GRIN2A: variants seen among roughly 807,000 people sequenced by gnomAD.
GRIN2A encodes glutamate receptor ionotropic, NMDA 2A.
In GRIN2A, 22 loss-of-function variants were observed where a neutral mutation model predicts 113.4. The ratio of observed to expected loss-of-function variants is 0.19; its 90% CI spans 0.14 to 0.28. The LOEUF is 0.28. GRIN2A is among the 10% of genes least tolerant of loss of function. The probability of loss-of-function intolerance (pLI) is 1.00; values close to 1 mark genes in which losing one functional copy is unlikely to be tolerated. For synonymous variants in GRIN2A, 827 were observed against 738.4 expected (o/e 1.12, Z -1.94); for missense variants, 1,502 against 1,887.0 (o/e 0.80, Z 3.78).
At position 9,762,528 on chromosome 16, in the gene GRIN2A, C is replaced by T. The variant is rs555175422; in HGVS notation, c.*621G>A. 11 of 226,644 alleles carry T rather than the reference C, an allele frequency of 4.9e-5. No individual in the cohort carries two copies. The highest frequency in any genetic ancestry group is 8.9e-5 in the African/African-American group (4 of 44,744). The allele number at this position is 226,644 out of a possible 1,614,324, so 14.0% of individuals were successfully genotyped here. Reference sequence around the variant, plus strand: ...TATAATGAAGGTAGCACAGTCATCACGAACACACTGATTTGCTATTCTTTA... The same window carrying T: ...TATAATGAAGGTAGCACAGTCATCATGAACACACTGATTTGCTATTCTTTA... On this transcript the variant is annotated 3_prime_UTR_variant, in exon 13 of 13. Coordinates refer to ENST00000330684, the MANE Select transcript of GRIN2A (RefSeq NM_001134407.3).
chr16:10,062,031 C>T (rs1324490507), intron 2 of GRIN2A, among the ~76,000 whole-genome samples: 1 of 152,112 alleles, frequency 6.6e-6, no homozygotes, highest in African/African-American at 2.4e-5. Flanking sequence ...ATAGGGGAGG[C>T]AACTGAGGAT....
chr16:10,134,238 A>C (rs1720838335), intron 2 of GRIN2A, among the ~76,000 whole-genome samples: 1 of 149,036 alleles, frequency 6.7e-6, no homozygotes, highest in South Asian at 2.1e-4. Flanking sequence ...AGATTCAGTT[A>C]GGCAAACATT....
At chr16:9,773,449 G>A (rs1451925634) in intron 11 of GRIN2A, among the ~76,000 whole-genome samples, 1 of 152,176 alleles carries the variant, frequency 6.6e-6, no homozygotes, top group Non-Finnish European at 1.5e-5. Flanking sequence ...CGTGATCTTT[G>A]TCAGTGTGAT....
At chr16:10,072,184 G>T (rs1225994929) in intron 2 of GRIN2A, among the ~76,000 whole-genome samples, 1 of 152,210 alleles carries the variant, frequency 6.6e-6, no homozygotes, top group South Asian at 2.1e-4. Flanking sequence ...GATGCCCTTT[G>T]TGGTTAAGCA....
intron 4 of GRIN2A, among the ~76,000 whole-genome samples, chr16:9,883,582 A>G (rs188895725): frequency 6.6e-6 from 1 of 152,324 alleles, no homozygotes; most frequent in African/African-American, 2.4e-5. Flanking sequence ...TGACAGCTGA[A>G]TACTAGGGCT....
chr16:10,118,323 G>T (rs2048767884), intron 2 of GRIN2A, among the ~76,000 whole-genome samples: 1 of 152,014 alleles, frequency 6.6e-6, no homozygotes, highest in Non-Finnish European at 1.5e-5. Flanking sequence ...TTATATCTCT[G>T]GCTAATAAAG....
chr16:9,860,006 A>G (rs1294111789), intron 4 of GRIN2A, among the ~76,000 whole-genome samples: 1 of 151,552 alleles, frequency 6.6e-6, no homozygotes, highest in Non-Finnish European at 1.5e-5. Context: ...CTATCCCTAG[A>G]GTTTCCAGTC....
chr16:10,000,175 A>G (rs1272046851), intron 2 of GRIN2A, among the ~76,000 whole-genome samples: 2 of 152,162 alleles, frequency 1.3e-5, no homozygotes, highest in African/African-American at 4.8e-5. Flanking sequence ...TCCCCATTTC[A>G]AGAGCCTTAA....
chr16:9,829,381 A>T, intron 9 of GRIN2A, 42 bp downstream of exon 9: 3 of 1,328,860 alleles, frequency 2.3e-6, no homozygotes, highest in Non-Finnish European at 2.2e-6. Flanking sequence ...GAGAGCAGTT[A>T]AGACCAACCC....
At chr16:10,032,405 T>C (rs1451070203) in intron 2 of GRIN2A, among the ~76,000 whole-genome samples, 1 of 152,242 alleles carries the variant, frequency 6.6e-6, no homozygotes, top group African/African-American at 2.4e-5. Context: ...TCTAATTTGA[T>C]ACCTTCCACA....
At chr16:10,043,356 C>T (rs138096470) in intron 2 of GRIN2A, among the ~76,000 whole-genome samples, 1 of 152,248 alleles carries the variant, frequency 6.6e-6, no homozygotes, top group Admixed American at 6.5e-5. Flanking sequence ...CAAAGTGGCA[C>T]GCTAAGAAAG....
At chr16:9,944,427 C>A (rs963205796) in intron 2 of GRIN2A, among the ~76,000 whole-genome samples, 3 of 152,140 alleles carry the variant, frequency 2.0e-5, no homozygotes, top group Non-Finnish European at 4.4e-5. Context: ...CCTCCCTCCC[C>A]CTTCCTCTGT....
chr16:9,803,234 G>A (rs750363070), intron 10 of GRIN2A, among the ~76,000 whole-genome samples: 5 of 151,950 alleles, frequency 3.3e-5, no homozygotes, highest in African/African-American at 4.8e-5. Flanking sequence ...GAGAAACCCC[G>A]TCTCTACTAA....
chr16:10,176,884 G>A lies in GRIN2A; in HGVS notation c.414+3114C>T, dbSNP rs549722127. Among the ~76,000 whole-genome samples the A allele has an allele frequency of 1.6e-4, 25 of 152,296 alleles. 1 individual carries two copies. The highest frequency in any genetic ancestry group is 1.5e-3 in the Admixed American group (23 of 15,292). On this transcript the variant is annotated intron_variant, in intron 2 of 12. Transcript: ENST00000330684. ...AATAAAAAAAGTTAAAAAAATGTGT[G>A]TGTGTGTGTTCATTTTAACTGATAA...
intron 10 of GRIN2A, among the ~76,000 whole-genome samples, chr16:9,809,872 A>T (rs1041958516): frequency 6.6e-6 from 1 of 152,196 alleles, no homozygotes; most frequent in Non-Finnish European, 1.5e-5. Flanking sequence ...GTTCGAGACC[A>T]GTCTGGCCAA....
intron 3 of GRIN2A, among the ~76,000 whole-genome samples, chr16:9,926,543 C>A (rs1011193505): frequency 6.6e-6 from 1 of 152,144 alleles, no homozygotes; most frequent in Non-Finnish European, 1.5e-5. Context: ...TGGAGGTGAG[C>A]TATCAAAACT....
chr16:9,892,766 T>C (rs1417312672), intron 3 of GRIN2A, among the ~76,000 whole-genome samples: 5 of 151,614 alleles, frequency 3.3e-5, no homozygotes, highest in South Asian at 4.2e-4. Flanking sequence ...CCTTGCAGCT[T>C]GAGAAAAATG....
intron 3 of GRIN2A, among the ~76,000 whole-genome samples, chr16:9,920,042 C>A (rs2044329142): frequency 6.6e-6 from 1 of 152,234 alleles, no homozygotes; most frequent in Admixed American, 6.5e-5. Flanking sequence ...ATATCAATAG[C>A]AAATTGACAT....
chr16:9,774,205 T>C (rs1310831582), intron 11 of GRIN2A, among the ~76,000 whole-genome samples: 1 of 152,046 alleles, frequency 6.6e-6, no homozygotes, highest in Non-Finnish European at 1.5e-5. Flanking sequence ...AAGCCAGGGG[T>C]TTTATATTTG....
Sources: allele counts gnomAD v4.1 joint callset (sites outside exome capture counted in the v4.1 genomes callset), GRCh38; gene constraint gnomAD v4.1.1; transcripts MANE v1.5; gene names NCBI Gene and HGNC (gene_info 2026-07-23, HGNC 2026-07-21).